AGO4: variants seen among roughly 807,000 people sequenced by gnomAD.
The protein encoded by AGO4 is protein argonaute-4.
In AGO4, 33 loss-of-function variants were observed where a neutral mutation model predicts 104.7. That is an observed-to-expected ratio of 0.32 (90% confidence interval 0.24 to 0.42). The LOEUF (loss-of-function observed/expected upper bound fraction) is 0.42. AGO4 is among the 10% of genes least tolerant of loss of function. The pLI, the probability that AGO4 is intolerant of heterozygous loss-of-function variation, is 1.00. For synonymous variants in AGO4, 331 were observed against 364.7 expected (o/e 0.91, Z 1.05); for missense variants, 711 against 1,083.4 (o/e 0.66, Z 4.83).
chr1:35,831,753 G>A, intron 8 of AGO4, 59 bp from the exon 9 acceptor site: 1 of 1,595,658 alleles, frequency 6.3e-7, no homozygotes, highest in Non-Finnish European at 8.5e-7. Context: ...ATATGGTTTG[G>A]CAAAGGTTTA....
At chr1:35,817,175 G>A in intron 2 of AGO4, 128 bp downstream of exon 2, 1 of 1,024,652 alleles carries the variant, frequency 9.8e-7, no homozygotes, top group South Asian at 2.2e-5. Context: ...TTTCTTAATA[G>A]CAGGTTTGCT....
chr1:35,840,664 A>G (rs1644419577), intron 13 of AGO4, among the ~76,000 whole-genome samples: 1 of 152,220 alleles, frequency 6.6e-6, no homozygotes, highest in Non-Finnish European at 1.5e-5. Flanking sequence ...GATGTGACAC[A>G]GTACAGTGTA....
intron 12 of AGO4, among the ~76,000 whole-genome samples, 165 bp downstream of exon 12, chr1:35,834,339 G>A (rs188778483): frequency 7.4e-4 from 112 of 152,306 alleles, no homozygotes; most frequent in Non-Finnish European, 1.4e-3. Context: ...GGTAGACTGC[G>A]GCTTCTGCTC....
chr1:35,831,223 A>G (rs1001137368), intron 7 of AGO4, among the ~76,000 whole-genome samples: 1 of 151,926 alleles, frequency 6.6e-6, no homozygotes, highest in Non-Finnish European at 1.5e-5. Flanking sequence ...TTAGCTGGGC[A>G]TGGTGGCACA....
intron 6 of AGO4, 26 bp downstream of exon 6, chr1:35,826,086 TG>T (rs1557559580): frequency 6.2e-7 from 1 of 1,612,002 alleles, no homozygotes; most frequent in East Asian, 2.2e-5. Flanking sequence ...AATGTAGTCT[TG>T]GAGAAGCAGC....
At chr1:35,815,457 G>A in intron 1 of AGO4, among the ~76,000 whole-genome samples, 1 of 152,148 alleles carries the variant, frequency 6.6e-6, no homozygotes, top group African/African-American at 2.4e-5. Context: ...AAATCTTAGA[G>A]AGAGAGAGAG....
chr1:35,824,479 G>T (rs1643963133), intron 3 of AGO4, among the ~76,000 whole-genome samples: 1 of 149,768 alleles, frequency 6.7e-6, no homozygotes, highest in Admixed American at 6.7e-5. Context: ...TTTTATTGTT[G>T]TAAAATAATA....
chr1:35,857,478 T>G lies in AGO4; in HGVS notation c.*3873T>G, dbSNP rs1644840676. 1 of 152,254 alleles carries G rather than the reference T, an allele frequency of 6.6e-6. No individual in the cohort carries two copies. Among genetic ancestry groups the G allele is most frequent in the African/African-American group, 2.4e-5 (1 of 41,462 alleles). The allele number at this position is 152,254 out of a possible 1,614,324, so 9.4% of individuals were successfully genotyped here. A position where few individuals can be genotyped will look rare whatever the true frequency, so the allele number is the denominator to read the frequency against. On this transcript the variant is annotated 3_prime_UTR_variant, in exon 18 of 18. Coordinates refer to ENST00000373210, the MANE Select transcript of AGO4 (RefSeq NM_017629.4). ...AGACCTGTAATGTTTTAAAATGTAT[T>G]TTATTAAATTTGGACTGGATGTATG...
chr1:35,836,037 T>C (rs759751215), intron 13 of AGO4, 44 bp downstream of exon 13: 17 of 1,584,986 alleles, frequency 1.1e-5, no homozygotes, highest in Non-Finnish European at 1.5e-5. Context: ...AAGATCTAAC[T>C]TACATAATTT....
chr1:35,853,368 G>T, intron 17 of AGO4, 129 bp from the exon 18 acceptor site: 1 of 622,428 alleles, frequency 1.6e-6, no homozygotes, highest in African/African-American at 1.9e-5. Flanking sequence ...TACTGTTTGT[G>T]CTATTTGAAA....
At chr1:35,809,335 T>G (rs1323677928) in intron 1 of AGO4, among the ~76,000 whole-genome samples, 2 of 152,190 alleles carry the variant, frequency 1.3e-5, no homozygotes, top group East Asian at 3.8e-4. Flanking sequence ...GCTAAGTAGC[T>G]CAGTGTTTAG....
intron 13 of AGO4, among the ~76,000 whole-genome samples, chr1:35,838,737 C>G (rs1644372623): frequency 1.3e-5 from 2 of 152,200 alleles, no homozygotes; most frequent in South Asian, 4.1e-4. Flanking sequence ...TATCTCTGGG[C>G]CTCAGTTCCT....
In AGO4 at chr1:35,808,170, T is replaced by TGGCGGC. The variant is rs544199267; in HGVS notation, c.-226_-221dup. ...CGCTGGCTCCCGCTCCCGCTCCCGT[T>TGGCGGC]GGCGGCGGCGGCGGCGGCGGCGGCG... On this transcript the variant is annotated 5_prime_UTR_variant, in exon 1 of 18. Coordinates refer to ENST00000373210, the MANE Select transcript of AGO4 (RefSeq NM_017629.4). The surrounding 1 kb of genome is among the most constrained non-coding windows in gnomAD (Gnocchi z 5.2). 104 of 158,024 alleles carry TGGCGGC rather than the reference T, an allele frequency of 6.6e-4. 2 individuals carry two copies. The highest frequency in any genetic ancestry group is 3.7e-3 in the East Asian group (19 of 5,168). 9.8% of individuals were successfully genotyped at this position (158,024 alleles called of 1,614,324 possible). A position where few individuals can be genotyped will look rare whatever the true frequency, so the allele number is the denominator to read the frequency against.
chr1:35,820,919 A>AAGT (rs1643875187), intron 2 of AGO4, among the ~76,000 whole-genome samples: 2 of 152,258 alleles, frequency 1.3e-5, no homozygotes, highest in Middle Eastern at 3.4e-3. Context: ...TTTTCAAGGG[A>AAGT]AGTATTATTA....
Position 35,809,961 on chromosome 1 carries a change from C to A in AGO4, c.19+1526C>A, listed in dbSNP as rs578009953. Among the ~76,000 whole-genome samples, 395 of 152,180 alleles carry A rather than the reference C, an allele frequency of 2.6e-3. 1 individual carries two copies. Among genetic ancestry groups the A allele is most frequent in the Middle Eastern group, 6.8e-3 (2 of 294 alleles). On this transcript the variant is annotated intron_variant, in intron 1 of 17. Transcript: ENST00000373210. ...TCTGATATCGAAAGAAATTGTGTAA[C>A]TGTGGGCATAAACTGAATTTCATGG...
Position 35,808,561 on chromosome 1 carries a change from C to T in AGO4, c.19+126C>T, listed in dbSNP as rs1643378084. On this transcript the variant is annotated intron_variant, in intron 1 of 17. Transcript: ENST00000373210. This position sits in a 1 kb window ranked among gnomAD's most constrained non-coding sequence, Gnocchi z 5.2. Reference sequence around the variant, plus strand: ...CAGGCCTCGGGGAAGGGGACCCGAGCCCCGCAGCACGAAGCGGAGGGAGCT... The same window carrying T: ...CAGGCCTCGGGGAAGGGGACCCGAGTCCCGCAGCACGAAGCGGAGGGAGCT... 4 of 872,156 alleles carry T rather than the reference C, an allele frequency of 4.6e-6. No individual in the cohort carries two copies. In the South Asian group the frequency reaches 1.6e-4, roughly 36 times the overall value. 54.0% of individuals were successfully genotyped at this position (872,156 alleles called of 1,614,324 possible).
rs945899901 is a variant in AGO4, at chr1:35,857,790, T to C, written c.*4185T>C. On this transcript the variant is annotated 3_prime_UTR_variant, in exon 18 of 18. Coordinates refer to ENST00000373210, the MANE Select transcript of AGO4 (RefSeq NM_017629.4). Reference sequence around the variant, plus strand: ...TTTACAAAGAACAGTGGAAAAACTTTGTGTTTTTAACTCTTGGGTCTCCCT... The same window carrying C: ...TTTACAAAGAACAGTGGAAAAACTTCGTGTTTTTAACTCTTGGGTCTCCCT... The C allele has an allele frequency of 6.6e-6, 1 of 152,286 alleles. No individual in the cohort carries two copies. Among genetic ancestry groups the C allele is most frequent in the East Asian group, 1.9e-4 (1 of 5,192 alleles). The allele number at this position is 152,286 out of a possible 1,614,324, so 9.4% of individuals were successfully genotyped here. A position where few individuals can be genotyped will look rare whatever the true frequency, so the allele number is the denominator to read the frequency against.
chr1:35,809,406 G>A (rs1341462104), intron 1 of AGO4, among the ~76,000 whole-genome samples: 1 of 152,168 alleles, frequency 6.6e-6, no homozygotes, highest in Non-Finnish European at 1.5e-5. Context: ...CTTAGTCGTA[G>A]AGTGTTTCAT....
intron 13 of AGO4, among the ~76,000 whole-genome samples, chr1:35,838,213 C>G (rs971019688): frequency 6.6e-6 from 1 of 152,098 alleles, no homozygotes; most frequent in Non-Finnish European, 1.5e-5. Flanking sequence ...CCACCATACT[C>G]GGCTAATTTT....
Sources: gnomAD v4.1 joint callset for allele counts (sites outside exome capture counted in the v4.1 genomes callset) on GRCh38, gnomAD v4.1.1 for gene constraint, Gnocchi (gnomAD v3.1) non-coding constraint, MANE v1.5 for transcripts, NCBI Gene and HGNC (gene_info 2026-07-23, HGNC 2026-07-21) for gene names.